Variants in KRT1 observed in about 807,000 individuals in gnomAD.
KRT1 encodes the protein keratin 1.
A neutral mutation model predicts 51.6 loss-of-function variants in KRT1; 28 were observed. The ratio of observed to expected loss-of-function variants is 0.54; its 90% CI spans 0.40 to 0.74. KRT1 has a LOEUF of 0.74. Among genes scored for constraint, KRT1 ranks in the 30% least tolerant of loss-of-function variants. The pLI, the probability that KRT1 is intolerant of heterozygous loss-of-function variation, is 0.00. For missense variants in KRT1, 783 were observed against 815.5 expected, an observed-to-expected ratio of 0.96 and a Z score of 0.49; for synonymous variants, 301 against 307.7, an observed-to-expected ratio of 0.98 and a Z score of 0.23.
chr12:52,678,977 C>T (rs1203642834), intron 1 of KRT1, among the ~76,000 whole-genome samples: 3 of 152,124 alleles, frequency 2.0e-5, no homozygotes, highest in Non-Finnish European at 2.9e-5. Flanking sequence ...AATAGCAAAG[C>T]GCATACAGAA....
Position 52,678,241 on chromosome 12 carries a change from C to A in KRT1, c.807-18G>T, listed in dbSNP as rs528193172. 6.2e-7 allele frequency: 1 copy of A among 1,613,510 alleles called. No individual in the cohort carries two copies. The highest frequency in any genetic ancestry group is 2.2e-5 in the East Asian group (1 of 44,880). ...CCTCATACCTGCAGGAAAGCAGAAA[C>A]AATTAGGAGATTCAGAGGTGGTAAG... On this transcript the variant is annotated intron_variant, in intron 2 of 8. Transcript: ENST00000252244.
chr12:52,679,670 C>T, intron 1 of KRT1, 88 bp downstream of exon 1: 1 of 1,130,718 alleles, frequency 8.8e-7, no homozygotes, highest in Non-Finnish European at 1.3e-6. Flanking sequence ...AACATGGAAA[C>T]TTGAGGTTCA....
At chr12:52,678,313 G>T in intron 2 of KRT1, 90 bp from the exon 3 acceptor site, 1 of 1,324,006 alleles carries the variant, frequency 7.6e-7, no homozygotes, top group Non-Finnish European at 1.1e-6. Flanking sequence ...GCCTATCACT[G>T]CCTTTCTATT....
At chr12:52,676,610 C>A (rs1941507925) in intron 6 of KRT1, 115 bp from the exon 7 acceptor site, 2 of 990,396 alleles carry the variant, frequency 2.0e-6, no homozygotes, top group East Asian at 2.6e-5. Flanking sequence ...ACCACTTGGC[C>A]TTAAGTCATC....
chr12:52,678,321 A>C lies in KRT1; in HGVS notation c.807-98T>G, dbSNP rs556838312. ...TGGCATTGCCTATCACTGCCTTTCT[A>C]TTATGAACCTAGGACATATTGGCCA... On this transcript the variant is annotated intron_variant, in intron 2 of 8. Transcript: ENST00000252244. The C allele has an allele frequency of 1.8e-5, 22 of 1,248,598 alleles. No individual in the cohort carries two copies. The Admixed American group carries it at 3.8e-4, about 21-fold the overall frequency. 77.3% of individuals were successfully genotyped at this position (1,248,598 alleles called of 1,614,324 possible).
At chr12:52,678,110 C>G in intron 3 of KRT1, 53 bp downstream of exon 3, 1 of 1,560,652 alleles carries the variant, frequency 6.4e-7, no homozygotes, top group Non-Finnish European at 8.8e-7. Flanking sequence ...AATTGGAGAC[C>G]CTCTTCCCTT....
rs1329338214 is a variant in KRT1 at position 52,678,666 on chromosome 12, C to G, written c.682G>C (p.Glu228Gln). 1 of 1,614,196 alleles carries G rather than the reference C, an allele frequency of 6.2e-7. No homozygotes were observed. ...TTGATGAATGACTCAAAGTAGGGCTCTAAATTATGGGTTCTAGTGGAGGTA... is the reference window on the plus strand; with the variant it reads ...TTGATGAATGACTCAAAGTAGGGCTGTAAATTATGGGTTCTAGTGGAGGTA... ...VDTSTRTHNLEPYFESFINNL... is the reference protein window; with the variant it reads ...VDTSTRTHNLQPYFESFINNL... Residue 228 changes from glutamate (E) to glutamine (Q), a missense_variant, in exon 2 of 9, where the codon GAG becomes CAG. Physicochemically the swap from Glu to Gln is conservative, Grantham distance 29. Transcript: ENST00000252244.
chr12:52,679,444 G>C (rs573933828), intron 1 of KRT1, among the ~76,000 whole-genome samples: 1 of 152,228 alleles, frequency 6.6e-6, no homozygotes, highest in South Asian at 2.1e-4. Context: ...GGAAAGTTCA[G>C]TTAGCCCCAT....
At chr12:52,678,521 T>A in intron 2 of KRT1, 21 bp downstream of exon 2, 1 of 1,612,116 alleles carries the variant, frequency 6.2e-7, no homozygotes, top group South Asian at 1.1e-5. Flanking sequence ...AGTTAAGAAC[T>A]GCCCAGACAG....
chr12:52,677,737 A>G lies in KRT1; in HGVS notation c.876T>C (p.Asp292=), dbSNP rs1941532368. The change falls in exon 4 of 9, where the codon GAT becomes GAC. Residue 292 remains aspartate (D), a synonymous_variant. Coordinates refer to ENST00000252244, the MANE Select transcript of KRT1 (RefSeq NM_006121.4). ...GGTCCACCTTGGTCATATAAGCACC[A>G]TCCACATCCTAGAGGAACAAGGGAC... ...NEFVTIKKDV[D]GAYMTKVDLQ... is the part of the protein sequence containing the mutation. 1.9e-6 allele frequency: 3 copies of G among 1,614,042 alleles called. No homozygotes were observed. The highest frequency in any genetic ancestry group is 2.5e-6 in the Non-Finnish European group (3 of 1,179,940).
At chr12:52,679,714 T>A in intron 1 of KRT1, 44 bp downstream of exon 1, 1 of 1,546,332 alleles carries the variant, frequency 6.5e-7, no homozygotes, top group Non-Finnish European at 8.9e-7. Flanking sequence ...CAATCCCAAG[T>A]GGACCAGCGG....
At chr12:52,678,255 A>G (rs367558572) in intron 2 of KRT1, 32 bp from the exon 3 acceptor site, 9 of 1,608,322 alleles carry the variant, frequency 5.6e-6, no homozygotes, top group Non-Finnish European at 6.8e-6. Flanking sequence ...TAGGAGATTC[A>G]GAGGTGGTAA....
At chr12:52,678,027 A>C in intron 3 of KRT1, 136 bp downstream of exon 3, 1 of 839,746 alleles carries the variant, frequency 1.2e-6, no homozygotes, top group Non-Finnish European at 2.0e-6. Context: ...ATGATGTGAA[A>C]ATATAGCCCC....
chr12:52,679,805 C>G lies in KRT1; in HGVS notation c.544G>C (p.Glu182Gln), dbSNP rs780043647. The G allele has an allele frequency of 6.2e-7, 1 of 1,614,156 alleles. No homozygotes were observed. Among genetic ancestry groups the G allele is most frequent in the Non-Finnish European group, 8.5e-7 (1 of 1,180,030 alleles). ...EIQKVKSREREQIKSLNNQFA... is the reference protein window; with the variant it reads ...EIQKVKSRERQQIKSLNNQFA... ...TGGTTGTTGAGTGACTTGATTTGCT[C>G]CCTTTCTCGAGACTTCACCTTTTGG... Residue 182 changes from glutamate (E) to glutamine (Q), a missense_variant, in exon 1 of 9, where the codon GAG becomes CAG. Transcript: ENST00000252244.
rs1382857336 is a variant in KRT1, at chr12:52,679,781, G to T, written c.568C>A (p.Gln190Lys). 5 of 1,614,136 alleles carry T rather than the reference G, an allele frequency of 3.1e-6. No individual in the cohort carries two copies. In the Admixed American group the frequency reaches 5.0e-5, roughly 16 times the overall value. ...ACCTTGTCAATGAAGGAGGCAAATT[G>T]GTTGTTGAGTGACTTGATTTGCTCC... ...EREQIKSLNN[Q>K]FASFIDKVRF... Residue 190 changes from glutamine (Q) to lysine (K), a missense_variant, in exon 1 of 9, where the codon CAA (glutamine) becomes AAA (lysine). Transcript: ENST00000252244.
At chr12:52,676,596 C>T (rs1223333607) in intron 6 of KRT1, 101 bp from the exon 7 acceptor site, 2 of 1,189,640 alleles carry the variant, frequency 1.7e-6, no homozygotes, top group African/African-American at 3.0e-5. Context: ...ATGAGTCCAA[C>T]AGAACCACTT....
In KRT1 at chr12:52,675,500, C is replaced by A. The variant is rs760938474; in HGVS notation, c.1628G>T (p.Gly543Val). ...GSGGGSYGSG[G>V]GGGGGRGSYG... is the part of the protein sequence containing the mutation. ...GCTGCCACGGCCGCCGCCGCCGCCA[C>A]CTCCAGAACCATAGCTACCACCTCC... The change falls in exon 9 of 9, where the codon GGT (glycine) becomes GTT (valine). Residue 543 changes from glycine to valine, a missense_variant. Coordinates refer to ENST00000252244, the MANE Select transcript of KRT1 (RefSeq NM_006121.4). 4.5e-6 allele frequency: 7 copies of A among 1,553,804 alleles called. No individual in the cohort carries two copies. The East Asian group carries it at 1.4e-4, about 30-fold the overall frequency.
In KRT1 at chr12:52,677,363, T is replaced by C; in HGVS notation, c.1081A>G (p.Ile361Val). Residue 361 changes from isoleucine to valine, a missense_variant, in exon 5 of 9, where the codon ATA becomes GTA. Coordinates refer to ENST00000252244, the MANE Select transcript of KRT1 (RefSeq NM_006121.4). ...IAEVKAQYEDIAQKSKAEAES... is the reference protein window; with the variant it reads ...IAEVKAQYEDVAQKSKAEAES... Reference sequence around the variant, plus strand: ...GCCTCAGCTTTGCTCTTCTGGGCTATATCCTCGTACTGGGCCTTGACCTCA... The same window carrying C: ...GCCTCAGCTTTGCTCTTCTGGGCTACATCCTCGTACTGGGCCTTGACCTCA... 1 of 1,614,220 alleles carries C rather than the reference T, an allele frequency of 6.2e-7. No homozygotes were observed. Among genetic ancestry groups the C allele is most frequent in the Non-Finnish European group, 8.5e-7 (1 of 1,180,036 alleles).
intron 2 of KRT1, 116 bp from the exon 3 acceptor site, chr12:52,678,339 A>G: frequency 9.1e-7 from 1 of 1,098,782 alleles, no homozygotes; most frequent in South Asian, 1.3e-5. Context: ...CCTAGGACAT[A>G]TTGGCCACTA....
Sources: gnomAD v4.1 joint callset for allele counts (sites outside exome capture counted in the v4.1 genomes callset) on GRCh38, gnomAD v4.1.1 for gene constraint, MANE v1.5 for transcripts, NCBI Gene and HGNC (gene_info 2026-07-23, HGNC 2026-07-21) for gene names.